EYA4: variants seen among roughly 807,000 people sequenced by gnomAD.
EYA4 encodes the protein protein phosphatase EYA4.
Under a neutral mutation model 87.9 loss-of-function variants are expected in EYA4, and 31 were observed. The ratio of observed to expected loss-of-function variants is 0.35; its 90% CI spans 0.27 to 0.48. EYA4 has a LOEUF of 0.48. Among genes scored for constraint, EYA4 ranks in the 20% least tolerant of loss-of-function variants. The probability of loss-of-function intolerance (pLI) is 0.99; values close to 1 mark genes in which losing one functional copy is unlikely to be tolerated. For missense variants in EYA4, 678 were observed against 761.4 expected, an observed-to-expected ratio of 0.89 and a Z score of 1.29; for synonymous variants, 263 against 270.6, an observed-to-expected ratio of 0.97 and a Z score of 0.28.
chr6:133,333,610 A>G (rs1184293603), intron 2 of EYA4, among the ~76,000 whole-genome samples: 2 of 152,164 alleles, frequency 1.3e-5, no homozygotes, highest in Non-Finnish European at 2.9e-5. Flanking sequence ...TTTATTCTTT[A>G]AGCATTTATT....
intron 17 of EYA4, among the ~76,000 whole-genome samples, chr6:133,520,166 A>G (rs1332134063): frequency 1.3e-5 from 2 of 152,110 alleles, no homozygotes; most frequent in Non-Finnish European, 2.9e-5. Context: ...AAGAAAGGGT[A>G]TTCAATTAGG....
intron 2 of EYA4, among the ~76,000 whole-genome samples, chr6:133,323,878 G>A (rs1361205627): frequency 6.6e-6 from 1 of 151,960 alleles, no homozygotes; most frequent in Non-Finnish European, 1.5e-5. Context: ...ACAAACACAA[G>A]GTTCTTAATA....
At chr6:133,418,534 ATATATATACACATACAT>A (rs1242133296) in intron 3 of EYA4, among the ~76,000 whole-genome samples, 2 of 152,252 alleles carry the variant, frequency 1.3e-5, no homozygotes, top group African/African-American at 2.4e-5. Context: ...ATACAGATGC[ATATATATACACATACAT>A]TATATATACA....
intron 2 of EYA4, among the ~76,000 whole-genome samples, chr6:133,279,949 T>C (rs1243842466): frequency 6.6e-6 from 1 of 152,208 alleles, no homozygotes; most frequent in Non-Finnish European, 1.5e-5. Flanking sequence ...ATTTTTCTAT[T>C]TTTATAATGT....
intron 2 of EYA4, among the ~76,000 whole-genome samples, chr6:133,281,141 T>C (rs1260709926): frequency 1.3e-5 from 2 of 152,178 alleles, no homozygotes; most frequent in African/African-American, 4.8e-5. Context: ...TTTGCCCCTA[T>C]GTTATAAGGT....
intron 2 of EYA4, among the ~76,000 whole-genome samples, chr6:133,354,022 C>T (rs1294231947): frequency 6.6e-6 from 1 of 152,116 alleles, no homozygotes. Flanking sequence ...GAGAATGCTA[C>T]CTTTCTGTTG....
At position 133,491,927 on chromosome 6, in the gene EYA4, G is replaced by A. The variant is rs555618168; in HGVS notation, c.1191+8812G>A. Among the ~76,000 whole-genome samples the A allele has an allele frequency of 2.8e-5, 4 of 143,528 alleles. No individual in the cohort carries two copies. The East Asian group carries it at 7.9e-4, about 28-fold the overall frequency. 94.2% of individuals were successfully genotyped at this position (143,528 alleles called of 152,430 possible). On this transcript the variant is annotated intron_variant, in intron 13 of 19. Coordinates refer to ENST00000355286, the MANE Select transcript of EYA4 (RefSeq NM_004100.5). ...AGTTAGCACCACAGCACTGCAGCCTGGGGGACAGAGTGAAACTCCGTCTCA... is the reference window on the plus strand; with the variant it reads ...AGTTAGCACCACAGCACTGCAGCCTAGGGGACAGAGTGAAACTCCGTCTCA...
intron 13 of EYA4, among the ~76,000 whole-genome samples, chr6:133,488,950 T>G (rs934547326): frequency 6.6e-6 from 1 of 152,180 alleles, no homozygotes; most frequent in Non-Finnish European, 1.5e-5. Flanking sequence ...GATGGAGATA[T>G]GTGACCTTTC....
chr6:133,497,836 G>A (rs190656744), intron 13 of EYA4, among the ~76,000 whole-genome samples: 2 of 152,284 alleles, frequency 1.3e-5, no homozygotes, highest in East Asian at 3.9e-4. Flanking sequence ...TAAGGACACA[G>A]AGGAAATAGC....
chr6:133,289,836 A>C (rs1305215211), intron 2 of EYA4, among the ~76,000 whole-genome samples: 2 of 152,226 alleles, frequency 1.3e-5, no homozygotes, highest in African/African-American at 4.8e-5. Context: ...TAACTTTGTA[A>C]GGGCTAATCT....
rs977650278 is a variant in EYA4, at chr6:133,506,189, T to G, written c.1275T>G (p.Asp425Glu). ...NLADTHLFFN[D>E]LEECDQVHID... ...CTGATACTCATTTGTTTTTTAATGA[T>G]TTAGAGGTAAGAATTTTACAAGGTA... Residue 425 changes from aspartate (D) to glutamate (E), a missense_variant, in exon 14 of 20, where the codon GAT (aspartate) becomes GAG (glutamate). Physicochemically the swap from Asp to Glu is conservative, Grantham distance 45. Transcript: ENST00000355286. The G allele has an allele frequency of 4.4e-6, 7 of 1,577,094 alleles. No individual in the cohort carries two copies. Among genetic ancestry groups the G allele is most frequent in the African/African-American group, 1.3e-5 (1 of 74,214 alleles).
At chr6:133,508,428 G>C (rs1798840286) in intron 14 of EYA4, among the ~76,000 whole-genome samples, 1 of 152,028 alleles carries the variant, frequency 6.6e-6, no homozygotes, top group South Asian at 2.1e-4. Flanking sequence ...TTTGGGGTTA[G>C]TTTTTCTGTT....
intron 1 of EYA4, among the ~76,000 whole-genome samples, chr6:133,268,869 A>G (rs1417224412): frequency 1.3e-5 from 2 of 152,102 alleles, no homozygotes; most frequent in Non-Finnish European, 2.9e-5. Context: ...GGGCTTTTCC[A>G]TCACGGTTTC....
chr6:133,289,664 T>A (rs2128294833), intron 2 of EYA4, among the ~76,000 whole-genome samples: 1 of 152,298 alleles, frequency 6.6e-6, no homozygotes, highest in African/African-American at 2.4e-5. Context: ...GAAGAGCCTA[T>A]GTTCATAAAT....
rs1213122694 is a variant in EYA4 at position 133,529,699 on chromosome 6, T to C, written c.*894T>C. ...TTGGGTTCTTAATAATTCCAATAAT[T>C]GTATGAGGCAACTATTTGCGCATCC... On this transcript the variant is annotated 3_prime_UTR_variant, in exon 20 of 20. Transcript: ENST00000355286. 2.0e-6 allele frequency: 2 copies of C among 985,088 alleles called. No homozygotes were observed. Among genetic ancestry groups the C allele is most frequent in the Non-Finnish European group, 2.4e-6 (2 of 829,646 alleles). 61.0% of individuals were successfully genotyped at this position (985,088 alleles called of 1,614,324 possible).
intron 17 of EYA4, 23 bp from the exon 18 acceptor site, chr6:133,523,032 AT>A (rs1205136369): frequency 1.3e-6 from 2 of 1,593,034 alleles, no homozygotes; most frequent in Admixed American, 1.7e-5. Flanking sequence ...GAAAACAAAC[AT>A]GTATATTTCC....
chr6:133,526,010 T>G, intron 19 of EYA4: 19 of 550,894 alleles, frequency 3.4e-5, no homozygotes, highest in Non-Finnish European at 4.2e-5. Context: ...CCATGGGCCC[T>G]AAGTATTTTA....
intron 2 of EYA4, among the ~76,000 whole-genome samples, chr6:133,358,782 T>C (rs1372351681): frequency 2.0e-5 from 3 of 152,084 alleles, no homozygotes; most frequent in Non-Finnish European, 4.4e-5. Flanking sequence ...AGACACGCAC[T>C]CAAGAGGTAA....
chr6:133,489,954 C>G (rs1367241530), intron 13 of EYA4, among the ~76,000 whole-genome samples: 3 of 148,836 alleles, frequency 2.0e-5, no homozygotes, highest in African/African-American at 7.7e-5. Flanking sequence ...TAACTGACAA[C>G]TTTTCAAGAC....
Sources: allele counts gnomAD v4.1 joint callset (sites outside exome capture counted in the v4.1 genomes callset), GRCh38; gene constraint gnomAD v4.1.1; transcripts MANE v1.5; gene names NCBI Gene and HGNC (gene_info 2026-07-23, HGNC 2026-07-21).